CAST: variants seen among roughly 807,000 people sequenced by gnomAD.
CAST encodes the protein calpastatin.
In CAST, 76 loss-of-function variants were observed where a neutral mutation model predicts 119.6. The observed-to-expected ratio is 0.64, with a 90% CI of 0.53 to 0.77. The LOEUF (loss-of-function observed/expected upper bound fraction) is 0.77. CAST is among the 30% of genes least tolerant of loss of function. The pLI, the probability that CAST is intolerant of heterozygous loss-of-function variation, is 0.00. For missense variants in CAST, 953 were observed against 946.5 expected (o/e 1.01, Z -0.09); for synonymous variants, 319 against 331.6 (o/e 0.96, Z 0.41).
At chr5:96,635,955 T>C (rs1012633351) in intron 1 of CAST, among the ~76,000 whole-genome samples, 1 of 152,220 alleles carries the variant, frequency 6.6e-6, no homozygotes, top group African/African-American at 2.4e-5. Flanking sequence ...ATCTTGGAAA[T>C]GTCAATTTCC....
chr5:96,133,547 T>C, the CAST span, among the ~76,000 whole-genome samples: 1 of 152,224 alleles, frequency 6.6e-6, no homozygotes, highest in East Asian at 1.9e-4. Context: ...GTGGTATAAC[T>C]GAAATGTGTT....
At chr5:96,112,043 T>C in the CAST span, among the ~76,000 whole-genome samples, 2 of 151,374 alleles carry the variant, frequency 1.3e-5, no homozygotes, top group Non-Finnish European at 2.9e-5. Flanking sequence ...GTTTTCTATT[T>C]ATATTATTAG....
chr5:96,091,753 C>T, the CAST span, among the ~76,000 whole-genome samples: 1 of 152,124 alleles, frequency 6.6e-6, no homozygotes, highest in Non-Finnish European at 1.5e-5. Flanking sequence ...ATCCTCCTGC[C>T]TCAGCCTCCC....
intron 5 of CAST, 49 bp from the exon 6 acceptor site, chr5:96,727,440 A>T (rs372286811): frequency 4.0e-5 from 40 of 1,002,614 alleles, no homozygotes; most frequent in Admixed American, 1.4e-4. Flanking sequence ...AACTATGTCT[A>T]TCTTTCTTTT....
At chr5:96,534,952 A>T (rs909910247) in intron 1 of CAST, among the ~76,000 whole-genome samples, 1 of 141,406 alleles carries the variant, frequency 7.1e-6, no homozygotes, top group Non-Finnish European at 1.6e-5. Context: ...AGAAAGGGAA[A>T]GAAAGAAAGA....
At chr5:96,731,094 A>T (rs542929608) in intron 9 of CAST, among the ~76,000 whole-genome samples, 1 of 152,340 alleles carries the variant, frequency 6.6e-6, no homozygotes, top group South Asian at 2.1e-4. Context: ...TAACGTACTG[A>T]TATCAATACC....
At chr5:95,997,028 C>A in the CAST span, among the ~76,000 whole-genome samples, 1 of 152,070 alleles carries the variant, frequency 6.6e-6, no homozygotes, top group Non-Finnish European at 1.5e-5. Flanking sequence ...TCATGTTGCT[C>A]AAAAATTTCA....
intron 1 of CAST, among the ~76,000 whole-genome samples, chr5:96,538,732 A>AC (rs1201275751): frequency 5.3e-5 from 5 of 93,464 alleles, no homozygotes; most frequent in East Asian, 4.4e-4. Flanking sequence ...CATACATAAG[A>AC]CCCCCCCACA....
chr5:96,676,728 A>C (rs1027791232), intron 2 of CAST, among the ~76,000 whole-genome samples: 5 of 150,306 alleles, frequency 3.3e-5, no homozygotes, highest in South Asian at 2.1e-4. Flanking sequence ...AAAAAAAAAA[A>C]CCACAAATTT....
the CAST span, among the ~76,000 whole-genome samples, chr5:95,974,298 G>A: frequency 4.6e-4 from 70 of 152,154 alleles, no homozygotes; most frequent in Non-Finnish European, 6.6e-4. Context: ...GCTGAATGGT[G>A]TCTGATTGGG....
At chr5:96,387,924 A>C in the CAST span, among the ~76,000 whole-genome samples, 2 of 152,238 alleles carry the variant, frequency 1.3e-5, no homozygotes, top group African/African-American at 4.8e-5. Context: ...ACAACCCTGC[A>C]GGAAGAAATT....
At chr5:96,157,450 A>G in the CAST span, among the ~76,000 whole-genome samples, 2 of 152,246 alleles carry the variant, frequency 1.3e-5, no homozygotes, top group African/African-American at 2.4e-5. Context: ...AACCTTTTTT[A>G]GAAAACTCCT....
chr5:96,420,736 G>A, the CAST span, among the ~76,000 whole-genome samples: 2 of 136,718 alleles, frequency 1.5e-5, no homozygotes, highest in South Asian at 2.8e-4. Context: ...GGAGAATAAG[G>A]AAGGGAGGGA....
intron 27 of CAST, 80 bp from the exon 28 acceptor site, chr5:96,767,358 C>CA: frequency 8.8e-7 from 1 of 1,133,438 alleles, no homozygotes. Flanking sequence ...AGTCATGGGA[C>CA]AATAGATTCT....
the CAST span, among the ~76,000 whole-genome samples, chr5:96,171,549 G>A: frequency 7.2e-5 from 11 of 152,212 alleles, no homozygotes; most frequent in African/African-American, 2.4e-4. Context: ...CCAATGAAAC[G>A]TGGGTGAATA....
At chr5:96,450,163 A>C in the CAST span, among the ~76,000 whole-genome samples, 3 of 152,250 alleles carry the variant, frequency 2.0e-5, no homozygotes, top group Non-Finnish European at 4.4e-5. Flanking sequence ...CTAAGTGCCC[A>C]TCAAGAGATG....
At chr5:96,472,128 A>G in the CAST span, among the ~76,000 whole-genome samples, 2 of 152,184 alleles carry the variant, frequency 1.3e-5, no homozygotes, top group Non-Finnish European at 2.9e-5. Flanking sequence ...ATTGGGGTCT[A>G]CAACTCCTGT....
chr5:96,203,702 G>A, the CAST span, among the ~76,000 whole-genome samples: 3 of 151,906 alleles, frequency 2.0e-5, no homozygotes, highest in African/African-American at 7.3e-5. Context: ...TATTTTTCCT[G>A]CCTAAACTCA....
chr5:96,412,253 T>C, the CAST span: 1 of 1,328,968 alleles, frequency 7.5e-7, no homozygotes, highest in Non-Finnish European at 1.1e-6. Context: ...CTAAGTGTTC[T>C]TTCCTTCTCC....
Sources: allele counts gnomAD v4.1 joint callset (sites outside exome capture counted in the v4.1 genomes callset), GRCh38; gene constraint gnomAD v4.1.1; transcripts MANE v1.5; gene names NCBI Gene and HGNC (gene_info 2026-07-23, HGNC 2026-07-21).